The following ZNF518B variants were observed in gnomAD, a reference collection of about 807,000 sequenced individuals.
ZNF518B encodes zinc finger protein 518B.
ZNF518B carries 23 observed loss-of-function variants against 56.3 expected under a neutral mutation model. The ratio of observed to expected loss-of-function variants is 0.41; its 90% CI spans 0.29 to 0.58. The LOEUF is 0.58. ZNF518B is among the 20% of genes least tolerant of loss of function. The pLI is 0.32. For synonymous variants in ZNF518B, 529 were observed against 465.9 expected, an observed-to-expected ratio of 1.14 and a Z score of -1.74; for missense variants, 1,460 against 1,272.1, an observed-to-expected ratio of 1.15 and a Z score of -2.25.
rs567133582 is a variant in ZNF518B at position 10,445,769 on chromosome 4, A to G, written c.560T>C (p.Ile187Thr). The G allele has an allele frequency of 4.5e-5, 73 of 1,614,228 alleles. 2 individuals are homozygous for G. In the South Asian group the frequency reaches 6.9e-4, roughly 15 times the overall value. ...ACAATACTCACACTGATAAGGAAATATGCCTGTGTGTTTCACCAAATGCCT... is the reference window on the plus strand; with the variant it reads ...ACAATACTCACACTGATAAGGAAATGTGCCTGTGTGTTTCACCAAATGCCT... ...FQRHLVKHTG[I>T]FPYQCEYCDY... The change falls in exon 3 of 3, where the codon ATA (isoleucine) becomes ACA (threonine). Residue 187 changes from isoleucine to threonine, a missense_variant. By Grantham distance (89) the Ile-to-Thr change is moderately conservative (BLOSUM62 -1). Transcript: ENST00000326756.
Position 10,441,909 on chromosome 4 carries a change from A to C in ZNF518B, c.*1195T>G, listed in dbSNP as rs1259263854. On this transcript the variant is annotated 3_prime_UTR_variant, in exon 3 of 3. Coordinates refer to ENST00000326756, the MANE Select transcript of ZNF518B (RefSeq NM_053042.3). ...AACAGCGTTACTATCAATGAAAACTAGGGATCGTGTTCCTGTAACTTTAGC... is the reference window on the plus strand; with the variant it reads ...AACAGCGTTACTATCAATGAAAACTCGGGATCGTGTTCCTGTAACTTTAGC... The C allele has an allele frequency of 6.6e-6, 1 of 152,224 alleles. No individual in the cohort carries two copies. Among genetic ancestry groups the C allele is most frequent in the Non-Finnish European group, 1.5e-5 (1 of 68,042 alleles). The allele number at this position is 152,224 out of a possible 1,614,324, so 9.4% of individuals were successfully genotyped here.
In ZNF518B at chr4:10,445,113, G is replaced by A. The variant is rs1384931757; in HGVS notation, c.1216C>T (p.Leu406=). The A allele has an allele frequency of 8.7e-6, 14 of 1,614,156 alleles. No individual in the cohort carries two copies. Among genetic ancestry groups the A allele is most frequent in the Non-Finnish European group, 1.1e-5 (13 of 1,180,018 alleles). ...KVLSAEKTKS[L]TVDGNVGKLV... Reference sequence around the variant, plus strand: ...TTTCCAACATTCCCGTCAACTGTCAGTGACTTTGTTTTTTCTGCAGAAAGT... The same window carrying A: ...TTTCCAACATTCCCGTCAACTGTCAATGACTTTGTTTTTTCTGCAGAAAGT... Residue 406 remains leucine, a synonymous_variant, in exon 3 of 3, where the codon CTG becomes TTG. Coordinates refer to ENST00000326756, the MANE Select transcript of ZNF518B (RefSeq NM_053042.3).
Position 10,443,411 on chromosome 4 carries a change from A to T in ZNF518B, c.2918T>A (p.Val973Asp). Residue 973 changes from valine (V) to aspartate (D), a missense_variant, in exon 3 of 3, where the codon GTT becomes GAT. Transcript: ENST00000326756. ...INKYKGNVLKVVLSERTRCQL... is the reference protein window; with the variant it reads ...INKYKGNVLKDVLSERTRCQL... ...ACACCTAGTCCTCTCTGATAAAACAACTTTGAGGACATTGCCTTTGTATTT... is the reference window on the plus strand; with the variant it reads ...ACACCTAGTCCTCTCTGATAAAACATCTTTGAGGACATTGCCTTTGTATTT... 1 of 1,614,198 alleles carries T rather than the reference A, an allele frequency of 6.2e-7. No individual in the cohort carries two copies. Among genetic ancestry groups the T allele is most frequent in the Non-Finnish European group, 8.5e-7 (1 of 1,180,034 alleles).
intron 2 of ZNF518B, chr4:10,453,752 T>C (rs1351547105): frequency 6.6e-6 from 1 of 151,944 alleles, no homozygotes; most frequent in African/African-American, 2.4e-5. Flanking sequence ...CCTTAAAAAT[T>C]TGCAGAAAGA....
Position 10,441,943 on chromosome 4 carries a change from T to A in ZNF518B, c.*1161A>T, listed in dbSNP as rs948466901. On this transcript the variant is annotated 3_prime_UTR_variant, in exon 3 of 3. Transcript: ENST00000326756. ...GTTCCTGTAACTTTAGCAAAAACAGTGGGAGGTCTCCATTTTGTTGATTCC... is the reference window on the plus strand; with the variant it reads ...GTTCCTGTAACTTTAGCAAAAACAGAGGGAGGTCTCCATTTTGTTGATTCC... The A allele has an allele frequency of 6.6e-6, 1 of 152,196 alleles. No individual in the cohort carries two copies. The highest frequency in any genetic ancestry group is 1.5e-5 in the Non-Finnish European group (1 of 68,036). 9.4% of individuals were successfully genotyped at this position (152,196 alleles called of 1,614,324 possible). A position where few individuals can be genotyped will look rare whatever the true frequency, so the allele number is the denominator to read the frequency against.
rs765254169 is a variant in ZNF518B, at chr4:10,444,719, C to T, written c.1610G>A (p.Cys537Tyr). ...LLPFAASPAT[C>Y]SFSGEKGLLP... ...TAAGCCCTTTTCTCCAGAGAAGGAACAGGTTGCAGGTGATGCAGCAAATGG... is the reference window on the plus strand; with the variant it reads ...TAAGCCCTTTTCTCCAGAGAAGGAATAGGTTGCAGGTGATGCAGCAAATGG... Residue 537 changes from cysteine (C) to tyrosine (Y), a missense_variant, in exon 3 of 3, where the codon TGT becomes TAT. Coordinates refer to ENST00000326756, the MANE Select transcript of ZNF518B (RefSeq NM_053042.3). The T allele has an allele frequency of 1.2e-6, 2 of 1,614,122 alleles. No individual in the cohort carries two copies. Among genetic ancestry groups the T allele is most frequent in the Admixed American group, 3.3e-5 (2 of 60,018 alleles).
At chr4:10,456,688 G>A (rs1256285255) in intron 1 of ZNF518B, among the ~76,000 whole-genome samples, 2 of 152,212 alleles carry the variant, frequency 1.3e-5, no homozygotes, top group Non-Finnish European at 2.9e-5. Context: ...TGCATCGGGC[G>A]CATCGTCGTC....
At position 10,443,566 on chromosome 4, in the gene ZNF518B, C is replaced by T. The variant is rs758296671; in HGVS notation, c.2763G>A (p.Arg921=). The T allele has an allele frequency of 6.2e-7, 1 of 1,614,180 alleles. No individual in the cohort carries two copies. Among genetic ancestry groups the T allele is most frequent in the South Asian group, 1.1e-5 (1 of 91,078 alleles). ...LKDPSIFQVA[R]QLRLIAAKPD... ...GCTTAGCTGCTATCAGTCTTAGTTG[C>T]CTTGCAACCTGAAAAATTGAAGGAT... Residue 921 remains arginine, a synonymous_variant, in exon 3 of 3, where the codon AGG becomes AGA. Transcript: ENST00000326756.
rs1714665328 is a variant in ZNF518B at position 10,441,298 on chromosome 4, G to A, written c.*1806C>T. On this transcript the variant is annotated 3_prime_UTR_variant, in exon 3 of 3. Coordinates refer to ENST00000326756, the MANE Select transcript of ZNF518B (RefSeq NM_053042.3). ...CACATACACATATATAAAAATGCAA[G>A]TTTTAAATTTCAATAAAAATTTACC... 1 of 152,050 alleles carries A rather than the reference G, an allele frequency of 6.6e-6. No homozygotes were observed. The allele number at this position is 152,050 out of a possible 1,614,324, so 9.4% of individuals were successfully genotyped here.
chr4:10,445,903 G>T lies in ZNF518B; in HGVS notation c.426C>A (p.Phe142Leu). 1 of 1,614,174 alleles carries T rather than the reference G, an allele frequency of 6.2e-7. No homozygotes were observed. Among genetic ancestry groups the T allele is most frequent in the East Asian group, 2.2e-5 (1 of 44,884 alleles). The change falls in exon 3 of 3, where the codon TTC becomes TTA. Residue 142 changes from phenylalanine (F) to leucine (L), a missense_variant. By Grantham distance (22) the Phe-to-Leu change is conservative. Coordinates refer to ENST00000326756, the MANE Select transcript of ZNF518B (RefSeq NM_053042.3). ...TGTACTGCAGCGGGTCCTTTGTAGAGAATCGACATTTATCACAATAGTATT... is the reference window on the plus strand; with the variant it reads ...TGTACTGCAGCGGGTCCTTTGTAGATAATCGACATTTATCACAATAGTATT... ...PGKYYCDKCR[F>L]STKDPLQYKK...
chr4:10,456,483 C>A (rs1007959347), intron 1 of ZNF518B, among the ~76,000 whole-genome samples: 6 of 152,182 alleles, frequency 3.9e-5, no homozygotes, highest in Non-Finnish European at 7.3e-5. Context: ...CCTTCACCAT[C>A]TCTTCTCAAC....
At position 10,454,865 on chromosome 4, in the gene ZNF518B, T is replaced by C. The variant is rs563544999; in HGVS notation, c.-272A>G. On this transcript the variant is annotated 5_prime_UTR_variant, in exon 2 of 3. Coordinates refer to ENST00000326756, the MANE Select transcript of ZNF518B (RefSeq NM_053042.3). ...CAAAACCGTGGCAAGTCCCATGGGC[T>C]CTTCCTTCTCTTTCAGGCCTTCTCT... 127 of 152,386 alleles carry C rather than the reference T, an allele frequency of 8.3e-4. No homozygotes were observed. The highest frequency in any genetic ancestry group is 1.5e-3 in the Non-Finnish European group (105 of 68,064). 9.4% of individuals were successfully genotyped at this position (152,386 alleles called of 1,614,324 possible).
chr4:10,449,986 A>G (rs185825028), intron 2 of ZNF518B, among the ~76,000 whole-genome samples: 1 of 152,312 alleles, frequency 6.6e-6, no homozygotes, highest in African/African-American at 2.4e-5. Flanking sequence ...CATTTATTCT[A>G]AAACTAAATA....
chr4:10,450,784 T>G (rs1451139786), intron 2 of ZNF518B: 1 of 152,342 alleles, frequency 6.6e-6, no homozygotes, highest in South Asian at 2.1e-4. Context: ...TTGCCTACCG[T>G]GCAAACTCTC....
upstream of ZNF518B, among the ~76,000 whole-genome samples, chr4:10,459,061 T>C (rs553360413): frequency 2.8e-4 from 42 of 152,332 alleles, no homozygotes; most frequent in Non-Finnish European, 5.0e-4. Context: ...TTCGGCCACA[T>C]AGAAGTTGTG....
At chr4:10,459,131 A>T (rs1337688510), upstream of ZNF518B, among the ~76,000 whole-genome samples, 2 of 152,192 alleles carry the variant, frequency 1.3e-5, no homozygotes, top group Admixed American at 6.5e-5. Context: ...CCTTCCTCCC[A>T]AGGGGGTTGT....
rs1560166705 is a variant in ZNF518B, at chr4:10,442,035, C to G, written c.*1069G>C. 6.6e-6 allele frequency: 1 copy of G among 152,182 alleles called. No individual in the cohort carries two copies. The highest frequency in any genetic ancestry group is 2.4e-5 in the African/African-American group (1 of 41,436). 9.4% of individuals were successfully genotyped at this position (152,182 alleles called of 1,614,324 possible). A position where few individuals can be genotyped will look rare whatever the true frequency, so the allele number is the denominator to read the frequency against. On this transcript the variant is annotated 3_prime_UTR_variant, in exon 3 of 3. Coordinates refer to ENST00000326756, the MANE Select transcript of ZNF518B (RefSeq NM_053042.3). The stretch of plus-strand genomic sequence containing the variant: ...TCTCAAAGGCACAGAAAGGAAGAAA[C>G]AGTGGGCAAGGAAGTTGTGCTAGTC...
rs751262555 is a variant in ZNF518B at position 10,444,939 on chromosome 4, GAAA to G, written c.1387_1389del (p.Phe463del). 37 of 1,607,442 alleles carry G rather than the reference GAAA, an allele frequency of 2.3e-5. No homozygotes were observed. Among genetic ancestry groups the G allele is most frequent in the Admixed American group, 5.2e-5 (3 of 57,786 alleles). On this transcript the variant is annotated inframe_deletion, in exon 3 of 3. Transcript: ENST00000326756. The stretch of plus-strand genomic sequence containing the variant: ...TGTGGATACAAATTATTTTTTTTCT[GAAA>G]ATCCTCAATTGTTTCCGAATTAATG...
intron 1 of ZNF518B, among the ~76,000 whole-genome samples, chr4:10,456,160 T>C (rs1324294442): frequency 2.0e-5 from 3 of 152,200 alleles, no homozygotes; most frequent in Admixed American, 6.5e-5. Flanking sequence ...CTACGTAGAT[T>C]TGTACTTTTA....
Sources: gnomAD v4.1 joint callset for allele counts (sites outside exome capture counted in the v4.1 genomes callset) on GRCh38, gnomAD v4.1.1 for gene constraint, MANE v1.5 for transcripts, NCBI Gene and HGNC (gene_info 2026-07-23, HGNC 2026-07-21) for gene names.